The following SCLY variants were observed in gnomAD, a reference collection of about 807,000 sequenced individuals.
SCLY encodes selenocysteine lyase.
Under a neutral mutation model 50.1 loss-of-function variants are expected in SCLY, and 38 were observed. The ratio of observed to expected loss-of-function variants is 0.76; its 90% CI spans 0.59 to 0.99. The LOEUF (loss-of-function observed/expected upper bound fraction) is 0.99. Among genes scored for constraint, SCLY ranks in the 50% least tolerant of loss-of-function variants. The pLI is 0.00. For synonymous variants in SCLY, 243 were observed against 249.4 expected, an observed-to-expected ratio of 0.97 and a Z score of 0.24; for missense variants, 600 against 620.0, an observed-to-expected ratio of 0.97 and a Z score of 0.34.
intron 8 of SCLY, chr2:238,093,337 CGGGCCTGCA>C (rs1048521219): frequency 1.2e-5 from 2 of 160,148 alleles, no homozygotes; most frequent in African/African-American, 4.8e-5. Flanking sequence ...GCCCCGTGGC[CGGGCCTGCA>C]GGGCCTGTCG....
chr2:238,091,562 C>T (rs1362845545), intron 8 of SCLY: 5 of 387,712 alleles, frequency 1.3e-5, no homozygotes, highest in African/African-American at 6.2e-5. Context: ...TTCCCAAAGG[C>T]GTCGGCAGCC....
intron 1 of SCLY, among the ~76,000 whole-genome samples, chr2:238,062,221 C>T (rs2250045): frequency 0.85 from 129,182 of 152,136 alleles, 54,919 homozygotes; most frequent in East Asian, 0.97. Context: ...TGAAGAGCTA[C>T]AGTCGCTCAA....
intron 4 of SCLY, among the ~76,000 whole-genome samples, chr2:238,070,371 G>A (rs1384409005): frequency 2.0e-5 from 3 of 152,068 alleles, no homozygotes; most frequent in Admixed American, 1.3e-4. Flanking sequence ...TGACTATGAA[G>A]CCTTTTTTGA....
At chr2:238,065,663 A>T (rs202021542) in intron 2 of SCLY, among the ~76,000 whole-genome samples, 51 of 63,318 alleles carry the variant, frequency 8.1e-4, no homozygotes, top group Admixed American at 5.2e-3. Flanking sequence ...ATTTTATTTT[A>T]TTATTATTAT....
intron 7 of SCLY, among the ~76,000 whole-genome samples, chr2:238,084,602 A>AAG (rs1192043141): frequency 6.8e-6 from 1 of 146,538 alleles, no homozygotes; most frequent in Non-Finnish European, 1.5e-5. Flanking sequence ...AAAAAAAAAA[A>AAG]AAAAAAAAAA....
At chr2:238,079,593 C>T (rs2065213703) in intron 4 of SCLY, 1 of 152,118 alleles carries the variant, frequency 6.6e-6, no homozygotes, top group Admixed American at 6.5e-5. Flanking sequence ...TAATTATATA[C>T]ATGTTATTTT....
At chr2:238,084,720 C>T (rs1250021115) in intron 7 of SCLY, among the ~76,000 whole-genome samples, 1 of 150,492 alleles carries the variant, frequency 6.6e-6, no homozygotes, top group African/African-American at 2.4e-5. Flanking sequence ...TGGTGAAACC[C>T]CATCTCTACT....
At chr2:238,061,380 C>T (rs1386134593) in intron 1 of SCLY, 3 of 680,478 alleles carry the variant, frequency 4.4e-6, no homozygotes. Context: ...CGAGTGACTT[C>T]CAGGGGTGAG....
At chr2:238,087,198 G>T (rs981858180) in intron 7 of SCLY, among the ~76,000 whole-genome samples, 1 of 152,018 alleles carries the variant, frequency 6.6e-6, no homozygotes, top group African/African-American at 2.4e-5. Flanking sequence ...GGTGGCACGG[G>T]CCTGTAGTCT....
chr2:238,065,660 T>TTTATTATTATTATTATTATTATTATTA (rs61131460), intron 2 of SCLY, among the ~76,000 whole-genome samples: 1 of 143,514 alleles, frequency 7.0e-6, no homozygotes, highest in African/African-American at 2.6e-5. Flanking sequence ...AATATTTTAT[T>TTTATTATTATTATTATTATTATTATTA]TTATTATTAT....
At chr2:238,078,692 T>A (rs935729374) in intron 4 of SCLY, 1 of 151,210 alleles carries the variant, frequency 6.6e-6, no homozygotes, top group African/African-American at 2.4e-5. Context: ...GTTACAAATA[T>A]CTTTTTTTTT....
chr2:238,074,675 G>T (rs1370680301), intron 4 of SCLY, among the ~76,000 whole-genome samples: 4 of 152,082 alleles, frequency 2.6e-5, no homozygotes, highest in Non-Finnish European at 5.9e-5. Flanking sequence ...TAGAGATGGG[G>T]TTTCACCATG....
intron 7 of SCLY, among the ~76,000 whole-genome samples, chr2:238,090,540 T>TGAG (rs2065350837): frequency 6.6e-6 from 1 of 152,086 alleles, no homozygotes; most frequent in Admixed American, 6.5e-5. Flanking sequence ...CTCAGGAAGC[T>TGAG]GAGGCAGGAG....
chr2:238,075,357 G>T (rs578062447), intron 4 of SCLY, among the ~76,000 whole-genome samples: 2 of 152,250 alleles, frequency 1.3e-5, no homozygotes, highest in African/African-American at 4.8e-5. Flanking sequence ...TGGTGTCTTT[G>T]TCTAGTTTAG....
intron 7 of SCLY, among the ~76,000 whole-genome samples, chr2:238,086,478 A>G (rs1393135707): frequency 6.6e-6 from 1 of 152,200 alleles, no homozygotes; most frequent in African/African-American, 2.4e-5. Context: ...TGGGAGGCCA[A>G]GGCAGGAGGA....
At chr2:238,095,547 C>T (rs2065422179) in intron 10 of SCLY, 1 of 152,216 alleles carries the variant, frequency 6.6e-6, no homozygotes, top group African/African-American at 2.4e-5. Context: ...GGGTAACCGT[C>T]ATGATGGCTG....
chr2:238,082,143 C>A lies in SCLY; in HGVS notation c.711C>A (p.Ala237=). 6.2e-7 allele frequency: 1 copy of A among 1,612,892 alleles called. No homozygotes were observed. Among genetic ancestry groups the A allele is most frequent in the Non-Finnish European group, 8.5e-7 (1 of 1,180,002 alleles). ...TCGTGCACACGGATGCTGCACAGGC[C>A]TTGGGGAAGCAGCGCGTGGATGTGG... The part of the protein sequence containing the change: ...PILVHTDAAQ[A]LGKQRVDVED... The change falls in exon 6 of 12, where the codon GCC becomes GCA. Residue 237 remains alanine, a synonymous_variant. Transcript: ENST00000254663.
At chr2:238,088,627 T>G (rs561995597) in intron 7 of SCLY, among the ~76,000 whole-genome samples, 1 of 152,192 alleles carries the variant, frequency 6.6e-6, no homozygotes, top group Non-Finnish European at 1.5e-5. Context: ...ATAAAAAAAT[T>G]CAATCAATGT....
At chr2:238,094,719 C>T (rs1490321868) in intron 10 of SCLY, 197 bp downstream of exon 10, 4 of 557,844 alleles carry the variant, frequency 7.2e-6, no homozygotes, top group Non-Finnish European at 1.3e-5. Context: ...CCGCTGGCCC[C>T]TCCTCTCCCT....
Sources: gnomAD v4.1 joint callset for allele counts (sites outside exome capture counted in the v4.1 genomes callset) on GRCh38, gnomAD v4.1.1 for gene constraint, MANE v1.5 for transcripts, NCBI Gene and HGNC (gene_info 2026-07-23, HGNC 2026-07-21) for gene names.